Variants in CREG2 observed in about 807,000 individuals in gnomAD.
CREG2 encodes protein CREG2.
A neutral mutation model predicts 26.2 loss-of-function variants in CREG2; 24 were observed. That is an observed-to-expected ratio of 0.92 (90% confidence interval 0.66 to 1.29). The LOEUF (loss-of-function observed/expected upper bound fraction) is 1.29. Among genes scored for constraint, CREG2 ranks in the 50% most tolerant of loss-of-function variants. The probability of loss-of-function intolerance (pLI) is 0.00; values close to 1 mark genes in which losing one functional copy is unlikely to be tolerated. For missense variants in CREG2, 366 were observed against 398.6 expected (o/e 0.92, Z 0.70); for synonymous variants, 174 against 169.2 (o/e 1.03, Z -0.22).
At chr2:101,386,364 G>A (rs1362941705) in intron 1 of CREG2, among the ~76,000 whole-genome samples, 1 of 152,186 alleles carries the variant, frequency 6.6e-6, no homozygotes, top group African/African-American at 2.4e-5. Flanking sequence ...AGGCATGGAA[G>A]TTACATCTGC....
chr2:101,387,165 G>C lies in CREG2; in HGVS notation c.293C>G (p.Pro98Arg), dbSNP rs1684985555. Residue 98 changes from proline to arginine, a missense_variant, in exon 1 of 4, where the codon CCC becomes CGC. By Grantham distance (103) the Pro-to-Arg change is moderately radical (BLOSUM62 -2). Coordinates refer to ENST00000324768, the MANE Select transcript of CREG2 (RefSeq NM_153836.4). This position sits in a 1 kb window ranked among gnomAD's most constrained non-coding sequence, Gnocchi z 4.7. ...GTAGGAGAACATCCCGGGTGGCGCG[G>C]GGGGCGGCCTGGCCCGGGCGGCGCC... The part of the protein sequence containing the change: ...RAGAARARPP[P>R]APPGMFSYRR... 8 of 1,277,940 alleles carry C rather than the reference G, an allele frequency of 6.3e-6. No homozygotes were observed. The highest frequency in any genetic ancestry group is 7.9e-6 in the Non-Finnish European group (8 of 1,010,590). 79.2% of individuals were successfully genotyped at this position (1,277,940 alleles called of 1,614,324 possible).
At chr2:101,382,485 A>G in intron 2 of CREG2, 1 of 983,572 alleles carries the variant, frequency 1.0e-6, no homozygotes, top group Middle Eastern at 5.2e-4. Context: ...ATGTACTTCT[A>G]GTAACAGTAA....
rs1382979329 is a variant in CREG2, at chr2:101,346,482, A to T, written c.*4441T>A. 2.6e-5 allele frequency: 4 copies of T among 152,222 alleles called. No homozygotes were observed. Among genetic ancestry groups the T allele is most frequent in the Non-Finnish European group, 5.9e-5 (4 of 68,042 alleles). 9.4% of individuals were successfully genotyped at this position (152,222 alleles called of 1,614,324 possible). A position where few individuals can be genotyped will look rare whatever the true frequency, so the allele number is the denominator to read the frequency against. ...GATGTCCTCTCCTCCTAAGTGACCC[A>T]CTTAAAATCTATACAGCAGATTTGT... is the stretch of plus-strand genomic sequence containing the variant. On this transcript the variant is annotated 3_prime_UTR_variant, in exon 4 of 4. Coordinates refer to ENST00000324768, the MANE Select transcript of CREG2 (RefSeq NM_153836.4).
intron 3 of CREG2, among the ~76,000 whole-genome samples, chr2:101,354,509 G>A (rs907144861): frequency 6.6e-6 from 1 of 152,014 alleles, no homozygotes; most frequent in East Asian, 1.9e-4. Context: ...ACTTGCCTTC[G>A]TGTTACTCTC....
At chr2:101,379,005 CAA>C (rs530950537) in intron 2 of CREG2, among the ~76,000 whole-genome samples, 1 of 138,072 alleles carries the variant, frequency 7.2e-6, no homozygotes, top group Admixed American at 7.3e-5. Context: ...GACTCCATCT[CAA>C]AAAAAAAAAG....
chr2:101,357,984 A>C (rs1684487311), intron 2 of CREG2, among the ~76,000 whole-genome samples: 1 of 151,228 alleles, frequency 6.6e-6, no homozygotes, highest in African/African-American at 2.4e-5. Context: ...CTCAAAAAAA[A>C]AAAAAAAAAG....
chr2:101,382,186 G>A (rs1193229832), intron 2 of CREG2: 3 of 152,298 alleles, frequency 2.0e-5, no homozygotes, highest in African/African-American at 4.8e-5. Context: ...GGAAGGCCGA[G>A]GCAGGTGGAT....
intron 1 of CREG2, 136 bp downstream of exon 1, chr2:101,386,881 G>A: frequency 1.1e-6 from 1 of 895,496 alleles, no homozygotes; most frequent in Non-Finnish European, 1.5e-6. Flanking sequence ...ACAGTGTCGA[G>A]GGTCCCATCC....
intron 2 of CREG2, among the ~76,000 whole-genome samples, chr2:101,366,398 A>C (rs779202785): frequency 1.3e-5 from 2 of 152,186 alleles, no homozygotes; most frequent in Non-Finnish European, 2.9e-5. Flanking sequence ...CTCTGAATGA[A>C]ATGTGTATTG....
chr2:101,378,954 C>T (rs113143408), intron 2 of CREG2, among the ~76,000 whole-genome samples: 1,529 of 151,132 alleles, frequency 0.01, 32 homozygotes, highest in African/African-American at 0.035. Flanking sequence ...TGCAGTGAGC[C>T]GAGATTGCAC....
chr2:101,364,487 G>A (rs116556120), intron 2 of CREG2, among the ~76,000 whole-genome samples: 1,898 of 152,258 alleles, frequency 0.012, 45 homozygotes, highest in African/African-American at 0.043. Context: ...TAAATTTTTC[G>A]ACTTAGTGGA....
In CREG2 at chr2:101,383,310, A is replaced by AT. The variant is rs1034888726; in HGVS notation, c.611+222dup. The stretch of plus-strand genomic sequence containing the variant: ...CTCGGAGGCAAAGATTATTATTCCC[A>AT]TTTTACAGATGAAGAAACTGAGGCT... On this transcript the variant is annotated intron_variant, in intron 2 of 3. Transcript: ENST00000324768. Among the ~76,000 whole-genome samples, 5 of 152,284 alleles carry AT rather than the reference A, an allele frequency of 3.3e-5. No individual in the cohort carries two copies. The East Asian group carries it at 9.7e-4, about 29-fold the overall frequency.
At chr2:101,379,279 A>G (rs1684835523) in intron 2 of CREG2, among the ~76,000 whole-genome samples, 1 of 152,214 alleles carries the variant, frequency 6.6e-6, no homozygotes, top group African/African-American at 2.4e-5. Context: ...ATCCCTAACT[A>G]GGTGGGATGA....
intron 3 of CREG2, among the ~76,000 whole-genome samples, chr2:101,353,194 C>T (rs189433740): frequency 8.5e-5 from 13 of 152,284 alleles, no homozygotes; most frequent in Admixed American, 2.6e-4. Context: ...AATTTTCACC[C>T]GTTCTGTAGG....
intron 3 of CREG2, among the ~76,000 whole-genome samples, chr2:101,354,897 G>A (rs902003293): frequency 6.6e-6 from 1 of 152,066 alleles, no homozygotes; most frequent in Non-Finnish European, 1.5e-5. Context: ...ACTGAGAAAC[G>A]CTGCGCTGGC....
chr2:101,368,084 C>T (rs1050476523), intron 2 of CREG2, among the ~76,000 whole-genome samples: 3 of 152,026 alleles, frequency 2.0e-5, no homozygotes, highest in Admixed American at 6.5e-5. Context: ...GTCAGGAGTT[C>T]GAGACCAGCC....
In CREG2 at chr2:101,351,046, A is replaced by G; in HGVS notation, c.750T>C (p.Pro250=). 1 of 1,614,166 alleles carries G rather than the reference A, an allele frequency of 6.2e-7. No individual in the cohort carries two copies. The highest frequency in any genetic ancestry group is 8.5e-7 in the Non-Finnish European group (1 of 1,180,004). ...TCATAAAGAACCATTCATATTGACG[A>G]GGCCACTTCCTCATCCCTGGGTGCC... ...FSRHPGMRKW[P]RQYEWFFMKM... Residue 250 remains proline, a synonymous_variant, in exon 4 of 4, where the codon CCT becomes CCC. Coordinates refer to ENST00000324768, the MANE Select transcript of CREG2 (RefSeq NM_153836.4).
At chr2:101,375,265 C>T (rs1381833186) in intron 2 of CREG2, among the ~76,000 whole-genome samples, 1 of 152,156 alleles carries the variant, frequency 6.6e-6, no homozygotes, top group Non-Finnish European at 1.5e-5. Context: ...GCCCACTGGG[C>T]TTCAATCCAT....
intron 2 of CREG2, among the ~76,000 whole-genome samples, chr2:101,368,113 C>T (rs1244758344): frequency 6.6e-6 from 1 of 151,998 alleles, no homozygotes; most frequent in Non-Finnish European, 1.5e-5. Flanking sequence ...ATAGTGAAAC[C>T]CCGTCTCTAT....
Sources: gnomAD v4.1 joint callset for allele counts (sites outside exome capture counted in the v4.1 genomes callset) on GRCh38, gnomAD v4.1.1 for gene constraint, Gnocchi (gnomAD v3.1) non-coding constraint, MANE v1.5 for transcripts, NCBI Gene and HGNC (gene_info 2026-07-23, HGNC 2026-07-21) for gene names.